The following GRIK1 variants were observed in gnomAD, a reference collection of about 807,000 sequenced individuals.
GRIK1 encodes glutamate receptor ionotropic, kainate 1.
In GRIK1, 69 loss-of-function variants were observed where a neutral mutation model predicts 105.7. The ratio of observed to expected loss-of-function variants is 0.65; its 90% CI spans 0.54 to 0.80. The LOEUF is 0.80. Among genes scored for constraint, GRIK1 ranks in the 30% least tolerant of loss-of-function variants. The pLI, the probability that GRIK1 is intolerant of heterozygous loss-of-function variation, is 0.00. For synonymous variants in GRIK1, 438 were observed against 431.3 expected, an observed-to-expected ratio of 1.02 and a Z score of -0.19; for missense variants, 1,109 against 1,167.3, an observed-to-expected ratio of 0.95 and a Z score of 0.73.
chr21:29,691,796 G>A (rs2063589046), intron 2 of GRIK1, among the ~76,000 whole-genome samples: 1 of 152,148 alleles, frequency 6.6e-6, no homozygotes, highest in African/African-American at 2.4e-5. Context: ...CAGAATAACT[G>A]ATACAACTTT....
chr21:29,712,083 T>TACATAC (rs1555876681), intron 1 of GRIK1, among the ~76,000 whole-genome samples: 1 of 135,370 alleles, frequency 7.4e-6, no homozygotes, highest in Admixed American at 7.6e-5. Flanking sequence ...TATACATACA[T>TACATAC]ACACACACAC....
intron 1 of GRIK1, among the ~76,000 whole-genome samples, chr21:29,802,650 T>G (rs1181084411): frequency 6.6e-6 from 1 of 152,126 alleles, no homozygotes; most frequent in Admixed American, 6.6e-5. Flanking sequence ...CTATTCACAC[T>G]GACTGAAATG....
intron 1 of GRIK1, among the ~76,000 whole-genome samples, chr21:29,703,530 A>G (rs926197222): frequency 6.6e-6 from 1 of 152,210 alleles, no homozygotes; most frequent in Non-Finnish European, 1.5e-5. Flanking sequence ...TTTAATTCCA[A>G]GGCTACAGAT....
intron 3 of GRIK1, among the ~76,000 whole-genome samples, chr21:29,684,287 T>TATC (rs1439011544): frequency 2.1e-5 from 3 of 141,466 alleles, no homozygotes; most frequent in Non-Finnish European, 4.8e-5. Context: ...TCTATCTATC[T>TATC]ATCTATCTAT....
chr21:29,646,854 T>G (rs1568929275), intron 6 of GRIK1, among the ~76,000 whole-genome samples: 2 of 152,066 alleles, frequency 1.3e-5, no homozygotes, highest in Non-Finnish European at 2.9e-5. Flanking sequence ...TCTTTCCTTT[T>G]TTTTTTTTTA....
intron 3 of GRIK1, among the ~76,000 whole-genome samples, chr21:29,688,024 C>G (rs570006394): frequency 6.8e-4 from 103 of 152,320 alleles, no homozygotes; most frequent in African/African-American, 2.2e-3. Flanking sequence ...CATGCAAGAT[C>G]TAACCACACT....
chr21:29,847,927 T>A (rs936127991), intron 1 of GRIK1, among the ~76,000 whole-genome samples: 1 of 151,900 alleles, frequency 6.6e-6, no homozygotes, highest in African/African-American at 2.4e-5. Flanking sequence ...TCTCTCTCTC[T>A]CTCACACACA....
intron 15 of GRIK1, among the ~76,000 whole-genome samples, chr21:29,557,902 G>A (rs763455275): frequency 6.6e-6 from 1 of 152,090 alleles, no homozygotes; most frequent in Non-Finnish European, 1.5e-5. Flanking sequence ...ATAATCCTAG[G>A]AGCATACACA....
intron 1 of GRIK1, among the ~76,000 whole-genome samples, chr21:29,892,342 G>A (rs1314584474): frequency 1.3e-5 from 2 of 152,224 alleles, no homozygotes; most frequent in Non-Finnish European, 1.5e-5. Flanking sequence ...TGAATCCTTG[G>A]AACAAGCATG....
intron 1 of GRIK1, among the ~76,000 whole-genome samples, chr21:29,919,471 T>C (rs1274342190): frequency 6.6e-6 from 1 of 152,130 alleles, no homozygotes; most frequent in Non-Finnish European, 1.5e-5. Context: ...GTAGAGTGAA[T>C]CTCAGGGCGG....
chr21:29,871,528 G>A (rs2069011264), intron 1 of GRIK1, among the ~76,000 whole-genome samples: 1 of 152,056 alleles, frequency 6.6e-6, no homozygotes, highest in African/African-American at 2.4e-5. Context: ...AGTGGACCGG[G>A]AACAGAAAGA....
At chr21:29,789,440 G>GA (rs1262216618) in intron 1 of GRIK1, among the ~76,000 whole-genome samples, 1 of 152,152 alleles carries the variant, frequency 6.6e-6, no homozygotes, top group East Asian at 1.9e-4. Flanking sequence ...AATCCCTCCT[G>GA]AAAATCATCT....
chr21:29,797,156 C>T (rs937645074), intron 1 of GRIK1, among the ~76,000 whole-genome samples: 1 of 152,120 alleles, frequency 6.6e-6, no homozygotes, highest in Non-Finnish European at 1.5e-5. Flanking sequence ...GAATGAAGCT[C>T]AGAGATACAC....
At chr21:29,757,456 G>T (rs2065379343) in intron 1 of GRIK1, among the ~76,000 whole-genome samples, 2 of 152,166 alleles carry the variant, frequency 1.3e-5, no homozygotes, top group Admixed American at 6.5e-5. Flanking sequence ...GTGAATAAAA[G>T]ATGTTTGTTT....
chr21:29,742,596 T>G (rs1455616495), intron 1 of GRIK1, among the ~76,000 whole-genome samples: 1 of 152,260 alleles, frequency 6.6e-6, no homozygotes, highest in African/African-American at 2.4e-5. Context: ...TGGATGAATT[T>G]CTTGTACACA....
At chr21:29,916,612 AGT>A (rs2071009272) in intron 1 of GRIK1, among the ~76,000 whole-genome samples, 1 of 152,028 alleles carries the variant, frequency 6.6e-6, no homozygotes, top group African/African-American at 2.4e-5. Context: ...TAATAAAAAC[AGT>A]GCAATAGCTA....
intron 1 of GRIK1, among the ~76,000 whole-genome samples, chr21:29,871,715 G>A (rs1337296902): frequency 1.3e-5 from 2 of 151,128 alleles, no homozygotes; most frequent in African/African-American, 4.9e-5. Context: ...CTGCACACTG[G>A]AAGAAATAAG....
intron 1 of GRIK1, among the ~76,000 whole-genome samples, chr21:29,860,199 C>A (rs548391082): frequency 1.3e-5 from 2 of 152,268 alleles, no homozygotes; most frequent in South Asian, 2.1e-4. Flanking sequence ...CTTGGGGACT[C>A]CAGAGAAAAT....
chr21:29,621,961 T>G (rs548823946), intron 7 of GRIK1, among the ~76,000 whole-genome samples: 1 of 151,064 alleles, frequency 6.6e-6, no homozygotes, highest in South Asian at 2.1e-4. Context: ...CTTTTTTTTT[T>G]TTGAGTTGGA....
Sources: allele counts gnomAD v4.1 joint callset (sites outside exome capture counted in the v4.1 genomes callset), GRCh38; gene constraint gnomAD v4.1.1; transcripts MANE v1.5; gene names NCBI Gene and HGNC (gene_info 2026-07-23, HGNC 2026-07-21).